HPSE2: variants seen among roughly 807,000 people sequenced by gnomAD.
HPSE2 encodes the protein heparanase 2 (inactive).
In HPSE2, 38 loss-of-function variants were observed where a neutral mutation model predicts 60.5. The observed-to-expected ratio is 0.63, with a 90% CI of 0.48 to 0.82. HPSE2 has a LOEUF of 0.82. HPSE2 is among the 40% of genes least tolerant of loss of function. HPSE2 has a pLI of 0.00. For missense variants in HPSE2, 713 were observed against 740.4 expected (o/e 0.96, Z 0.43); for synonymous variants, 295 against 293.2 (o/e 1.01, Z -0.06).
intron 3 of HPSE2, among the ~76,000 whole-genome samples, chr10:98,764,349 G>A (rs1376024961): frequency 6.6e-6 from 1 of 151,950 alleles, no homozygotes; most frequent in Non-Finnish European, 1.5e-5. Flanking sequence ...AAAAAAACAT[G>A]AGGGGTATAA....
intron 3 of HPSE2, among the ~76,000 whole-genome samples, chr10:99,032,314 G>GA (rs1047736589): frequency 9.2e-5 from 14 of 151,678 alleles, no homozygotes; most frequent in Middle Eastern, 3.4e-3. Flanking sequence ...GGGGTGGAAA[G>GA]AAAAAAAATC....
intron 9 of HPSE2, among the ~76,000 whole-genome samples, chr10:98,545,848 A>C (rs1457258385): frequency 6.6e-6 from 1 of 151,636 alleles, no homozygotes; most frequent in Admixed American, 6.6e-5. Flanking sequence ...AATTAGGAAA[A>C]GAGGAAGTCA....
chr10:99,241,969 A>G, the HPSE2 span, among the ~76,000 whole-genome samples: 1 of 152,220 alleles, frequency 6.6e-6, no homozygotes, highest in East Asian at 1.9e-4. Context: ...AAACAAGTCT[A>G]TACCACATAT....
chr10:99,182,446 T>C (rs1847812848), intron 2 of HPSE2, among the ~76,000 whole-genome samples: 1 of 152,224 alleles, frequency 6.6e-6, no homozygotes, highest in South Asian at 2.1e-4. Context: ...TTTAGATGCC[T>C]TACAAATATT....
chr10:98,463,347 G>T (rs1407457562), intron 11 of HPSE2, among the ~76,000 whole-genome samples: 1 of 152,104 alleles, frequency 6.6e-6, no homozygotes, highest in Non-Finnish European at 1.5e-5. Context: ...TCTGGGAGTG[G>T]GCATTGGTAG....
chr10:99,090,003 T>A (rs889579305), intron 3 of HPSE2, among the ~76,000 whole-genome samples: 1 of 152,246 alleles, frequency 6.6e-6, no homozygotes, highest in Non-Finnish European at 1.5e-5. Flanking sequence ...GCAGGGCTAC[T>A]GATTTGTATA....
intron 3 of HPSE2, among the ~76,000 whole-genome samples, chr10:98,779,105 C>T (rs1045162527): frequency 7.9e-5 from 12 of 152,086 alleles, no homozygotes; most frequent in Non-Finnish European, 2.9e-5. Context: ...GCTCCTCTTT[C>T]GGTTACTAGG....
At chr10:98,772,305 C>CA (rs199512790) in intron 3 of HPSE2, among the ~76,000 whole-genome samples, 9 of 151,518 alleles carry the variant, frequency 5.9e-5, no homozygotes, top group South Asian at 2.1e-4. Flanking sequence ...ACTGTAATCA[C>CA]AAAAAAAAGA....
chr10:98,958,667 T>A (rs1955570859), intron 3 of HPSE2, among the ~76,000 whole-genome samples: 1 of 152,112 alleles, frequency 6.6e-6, no homozygotes, highest in Non-Finnish European at 1.5e-5. Context: ...AAACAGTAAG[T>A]GACTGAGCTG....
chr10:98,497,474 ACT>A (rs1225072645), intron 9 of HPSE2, among the ~76,000 whole-genome samples: 2 of 151,732 alleles, frequency 1.3e-5, no homozygotes, highest in Non-Finnish European at 2.9e-5. Context: ...CTTCCACTGA[ACT>A]CTCAATTTTT....
chr10:99,293,596 G>A, the HPSE2 span, among the ~76,000 whole-genome samples: 4 of 152,134 alleles, frequency 2.6e-5, no homozygotes, highest in African/African-American at 9.7e-5. Context: ...TCATGATCAA[G>A]TGAAACATAA....
At position 98,795,546 on chromosome 10, in the gene HPSE2, C is replaced by T. The variant is rs576081946; in HGVS notation, c.611-51490G>A. ...GCTTGAGTTTCTTAGAAAGTCTCAC[C>T]GCCACAGGTCAAAGTGCTCTGGGGT... On this transcript the variant is annotated intron_variant, in intron 3 of 11. Coordinates refer to ENST00000370552, the MANE Select transcript of HPSE2 (RefSeq NM_021828.5). 7.2e-5 allele frequency among the ~76,000 whole-genome samples: 11 copies of T among 152,298 alleles called. No individual in the cohort carries two copies. In the East Asian group the frequency reaches 1.6e-3, roughly 21 times the overall value.
intron 6 of HPSE2, among the ~76,000 whole-genome samples, chr10:98,678,869 TA>T (rs1334029559): frequency 6.6e-6 from 1 of 152,092 alleles, no homozygotes; most frequent in African/African-American, 2.4e-5. Context: ...AATGGTGGTT[TA>T]AGTACAGGCA....
At chr10:98,939,319 T>C (rs1187179817) in intron 3 of HPSE2, among the ~76,000 whole-genome samples, 1 of 143,744 alleles carries the variant, frequency 7.0e-6, no homozygotes, top group Non-Finnish European at 1.5e-5. Flanking sequence ...CCCATCAGTG[T>C]GCTGTATTCA....
At chr10:99,292,844 C>T in the HPSE2 span, among the ~76,000 whole-genome samples, 2 of 152,098 alleles carry the variant, frequency 1.3e-5, no homozygotes, top group Admixed American at 6.6e-5. Flanking sequence ...TGTGAGCTAC[C>T]TTATTGGATG....
At chr10:98,500,550 C>T (rs1478000377) in intron 9 of HPSE2, among the ~76,000 whole-genome samples, 1 of 152,100 alleles carries the variant, frequency 6.6e-6, no homozygotes, top group Non-Finnish European at 1.5e-5. Context: ...GTTCATAGCC[C>T]TAAATGCCTA....
chr10:99,225,651 T>C (rs1849448890), intron 2 of HPSE2, among the ~76,000 whole-genome samples: 1 of 152,062 alleles, frequency 6.6e-6, no homozygotes, highest in Admixed American at 6.6e-5. Context: ...AGGGGATGAA[T>C]GTGTCTAGTG....
intron 3 of HPSE2, among the ~76,000 whole-genome samples, chr10:98,949,170 T>C (rs966939651): frequency 6.6e-6 from 1 of 152,072 alleles, no homozygotes; most frequent in Non-Finnish European, 1.5e-5. Flanking sequence ...ACCAAGTGTT[T>C]TAAAAGAATT....
the HPSE2 span, among the ~76,000 whole-genome samples, chr10:99,245,913 T>C: frequency 6.6e-6 from 1 of 152,098 alleles, no homozygotes; most frequent in Non-Finnish European, 1.5e-5. Flanking sequence ...ATAGGTAAAA[T>C]GAGGACAACT....
Sources: allele counts gnomAD v4.1 joint callset (sites outside exome capture counted in the v4.1 genomes callset), GRCh38; gene constraint gnomAD v4.1.1; transcripts MANE v1.5; gene names NCBI Gene and HGNC (gene_info 2026-07-23, HGNC 2026-07-21).